PANK4: variants seen among roughly 807,000 people sequenced by gnomAD.
PANK4 encodes pantothenate kinase 4 (inactive).
In PANK4, 40 loss-of-function variants were observed where a neutral mutation model predicts 87.9. The observed-to-expected ratio is 0.46, with a 90% CI of 0.35 to 0.59. The LOEUF is 0.59. PANK4 is among the 20% of genes least tolerant of loss of function. The pLI, the probability that PANK4 is intolerant of heterozygous loss-of-function variation, is 0.00. For missense variants in PANK4, 926 were observed against 1,072.3 expected, an observed-to-expected ratio of 0.86 and a Z score of 1.90; for synonymous variants, 524 against 467.4, an observed-to-expected ratio of 1.12 and a Z score of -1.56.
chr1:2,519,800 C>G lies in PANK4; in HGVS notation c.853+1G>C. On this transcript the variant is annotated splice_donor_variant, in intron 6 of 18. Transcript: ENST00000378466. LOFTEE classifies it high-confidence loss of function. This position sits in a 1 kb window ranked among gnomAD's most constrained non-coding sequence, Gnocchi z 8.3. Reference sequence around the variant, plus strand: ...CTGGCGGCAGAGGCCGGGGTGAGCACCTTGGTCGGCGGTGGCCGACTTCCC... The same window carrying G: ...CTGGCGGCAGAGGCCGGGGTGAGCAGCTTGGTCGGCGGTGGCCGACTTCCC... 1 of 1,575,886 alleles carries G rather than the reference C, an allele frequency of 6.3e-7. No individual in the cohort carries two copies. The highest frequency in any genetic ancestry group is 1.8e-5 in the Admixed American group (1 of 55,004).
intron 1 of PANK4, among the ~76,000 whole-genome samples, chr1:2,523,700 G>A (rs909052350): frequency 2.6e-5 from 4 of 152,206 alleles, no homozygotes; most frequent in African/African-American, 9.7e-5. Flanking sequence ...CACCCGGGGG[G>A]ACAAAACGGG....
At chr1:2,511,512 AGC>A in intron 14 of PANK4, 114 bp downstream of exon 14, 1 of 1,081,386 alleles carries the variant, frequency 9.2e-7, no homozygotes, top group South Asian at 1.2e-5. Flanking sequence ...CAGCTGACAG[AGC>A]CTTGAGCAGG....
intron 1 of PANK4, among the ~76,000 whole-genome samples, chr1:2,522,609 C>A (rs1416721058): frequency 6.6e-6 from 1 of 151,724 alleles, no homozygotes; most frequent in African/African-American, 2.4e-5. Flanking sequence ...ATTGTTGAGG[C>A]TAGAGTTGTA....
rs143499455 is a variant in PANK4 at position 2,519,421 on chromosome 1, G to C, written c.854-97C>G. 1,226 of 345,696 alleles carry C rather than the reference G, an allele frequency of 3.5e-3. 11 individuals carry two copies. The highest frequency in any genetic ancestry group is 0.01 in the Middle Eastern group (13 of 1,240). The allele number at this position is 345,696 out of a possible 1,614,324, so 21.4% of individuals were successfully genotyped here. A position where few individuals can be genotyped will look rare whatever the true frequency, so the allele number is the denominator to read the frequency against. The stretch of plus-strand genomic sequence containing the variant: ...GAGGGGGAGAGAGAGCTGAGTGGGA[G>C]GGGAGGGGGAGAGAGAGCTGAGTGG... On this transcript the variant is annotated intron_variant, in intron 6 of 18. Coordinates refer to ENST00000378466, the MANE Select transcript of PANK4 (RefSeq NM_018216.4). The surrounding 1 kb of genome is among the most constrained non-coding windows in gnomAD (Gnocchi z 8.3).
In PANK4 at chr1:2,519,064, G is replaced by C; in HGVS notation, c.1035+79C>G. 4 of 1,341,456 alleles carry C rather than the reference G, an allele frequency of 3.0e-6. No individual in the cohort carries two copies. Among genetic ancestry groups the C allele is most frequent in the Non-Finnish European group, 4.2e-6 (4 of 958,092 alleles). 83.1% of individuals were successfully genotyped at this position (1,341,456 alleles called of 1,614,324 possible). A position where few individuals can be genotyped will look rare whatever the true frequency, so the allele number is the denominator to read the frequency against. ...CTCCAGGCCTCCCTGGGGGTGCTGC[G>C]GTGTCTAACCAGCATGACTGATTGG... On this transcript the variant is annotated intron_variant, in intron 7 of 18. Coordinates refer to ENST00000378466, the MANE Select transcript of PANK4 (RefSeq NM_018216.4). The surrounding 1 kb of genome is among the most constrained non-coding windows in gnomAD (Gnocchi z 8.3).
At position 2,510,856 on chromosome 1, in the gene PANK4, G is replaced by T; in HGVS notation, c.1834-74C>A. ...GAGTCAGTCCGCACCCCTGCTGCCC[G>T]TCACGCTGCCCTGCAGGGGCCGAGA... On this transcript the variant is annotated intron_variant, in intron 15 of 18. Transcript: ENST00000378466. This position sits in a 1 kb window ranked among gnomAD's most constrained non-coding sequence, Gnocchi z 4.9. 1.1e-6 allele frequency: 1 copy of T among 879,548 alleles called. No individual in the cohort carries two copies. Among genetic ancestry groups the T allele is most frequent in the Non-Finnish European group, 1.9e-6 (1 of 518,918 alleles). 54.5% of individuals were successfully genotyped at this position (879,548 alleles called of 1,614,324 possible).
rs761637291 is a variant in PANK4, at chr1:2,508,844, G to C, written c.*3C>G. ...AGCAGAAGAGTCCGGCAGCTGCAGC[G>C]CCTCACTCGGCTGGGACCTCGTACT... On this transcript the variant is annotated 3_prime_UTR_variant, in exon 19 of 19. Transcript: ENST00000378466. The surrounding 1 kb of genome is among the most constrained non-coding windows in gnomAD (Gnocchi z 5.1). 1 of 1,547,244 alleles carries C rather than the reference G, an allele frequency of 6.5e-7. No individual in the cohort carries two copies. Among genetic ancestry groups the C allele is most frequent in the Non-Finnish European group, 8.9e-7 (1 of 1,127,426 alleles).
intron 1 of PANK4, among the ~76,000 whole-genome samples, chr1:2,524,689 G>A (rs1407358201): frequency 3.9e-5 from 6 of 152,168 alleles, no homozygotes; most frequent in Non-Finnish European, 8.8e-5. Context: ...GAACATCCAC[G>A]GTGAGCCCTG....
Position 2,519,488 on chromosome 1 carries a change from C to A in PANK4, c.854-164G>T, listed in dbSNP as rs1449691738. On this transcript the variant is annotated intron_variant, in intron 6 of 18. Coordinates refer to ENST00000378466, the MANE Select transcript of PANK4 (RefSeq NM_018216.4). The surrounding 1 kb of genome is among the most constrained non-coding windows in gnomAD (Gnocchi z 8.3). ...AGAGCTGAGTGGGGGAACTGGAGCC[C>A]AAGTGCGGGAGGCTGCGTGTGATGT... Among the ~76,000 whole-genome samples the A allele has an allele frequency of 6.6e-6, 1 of 150,836 alleles. No individual in the cohort carries two copies. Among genetic ancestry groups the A allele is most frequent in the Non-Finnish European group, 1.5e-5 (1 of 67,786 alleles).
chr1:2,520,589 G>C lies in PANK4; in HGVS notation c.606+134C>G. The C allele has an allele frequency of 1.9e-6, 2 of 1,055,216 alleles. No individual in the cohort carries two copies. Among genetic ancestry groups the C allele is most frequent in the Non-Finnish European group, 2.8e-6 (2 of 705,418 alleles). The allele number at this position is 1,055,216 out of a possible 1,614,324, so 65.4% of individuals were successfully genotyped here. A position where few individuals can be genotyped will look rare whatever the true frequency, so the allele number is the denominator to read the frequency against. On this transcript the variant is annotated intron_variant, in intron 4 of 18. Coordinates refer to ENST00000378466, the MANE Select transcript of PANK4 (RefSeq NM_018216.4). This position sits in a 1 kb window ranked among gnomAD's most constrained non-coding sequence, Gnocchi z 6.2. Reference sequence around the variant, plus strand: ...GATGCCCCTCCCACAGAGGCTCTGAGCTCACAGCCTCGCCACCCCCCTCCC... The same window carrying C: ...GATGCCCCTCCCACAGAGGCTCTGACCTCACAGCCTCGCCACCCCCCTCCC...
chr1:2,526,373 C>T, intron 1 of PANK4, 91 bp downstream of exon 1: 2 of 789,594 alleles, frequency 2.5e-6, no homozygotes, highest in Non-Finnish European at 3.1e-6. Context: ...CGCCCCCGCC[C>T]TTCGTCCTTC....
chr1:2,509,810 C>G lies in PANK4; in HGVS notation c.2108+52G>C. 6.6e-7 allele frequency: 1 copy of G among 1,521,516 alleles called. No homozygotes were observed. The highest frequency in any genetic ancestry group is 9.1e-7 in the Non-Finnish European group (1 of 1,101,976). 94.3% of individuals were successfully genotyped at this position (1,521,516 alleles called of 1,614,324 possible). A position where few individuals can be genotyped will look rare whatever the true frequency, so the allele number is the denominator to read the frequency against. ...TGCACCTGGGTGCAGGTGCACGGCA[C>G]AGAGGGCACAGAGCCCAGGAGGGAG... On this transcript the variant is annotated intron_variant, in intron 18 of 18. Coordinates refer to ENST00000378466, the MANE Select transcript of PANK4 (RefSeq NM_018216.4). This position sits in a 1 kb window ranked among gnomAD's most constrained non-coding sequence, Gnocchi z 4.9.
chr1:2,514,640 CTGT>C (rs1643731339), intron 10 of PANK4, among the ~76,000 whole-genome samples, 174 bp from the exon 11 acceptor site: 1 of 73,514 alleles, frequency 1.4e-5, no homozygotes, highest in African/African-American at 1.2e-4. Context: ...CTGTCGGGGG[CTGT>C]TTGGGGCAGG....
chr1:2,521,066 C>A (rs895929894), intron 3 of PANK4, 35 bp downstream of exon 3: 1 of 1,580,476 alleles, frequency 6.3e-7, no homozygotes, highest in Non-Finnish European at 8.7e-7. Flanking sequence ...GGGGCAGACA[C>A]ATGTTCCTTT....
At chr1:2,514,241 C>T (rs1643716920) in intron 11 of PANK4, 113 bp downstream of exon 11, 1 of 1,118,582 alleles carries the variant, frequency 8.9e-7, no homozygotes, top group Non-Finnish European at 1.3e-6. Context: ...CCAGGGCCCA[C>T]ACCCACCCCC....
Position 2,509,993 on chromosome 1 carries a change from C to T in PANK4, c.2040-63G>A, listed in dbSNP as rs1395403035. The T allele has an allele frequency of 1.3e-6, 2 of 1,576,704 alleles. No individual in the cohort carries two copies. The highest frequency in any genetic ancestry group is 2.7e-5 in the African/African-American group (2 of 74,104). On this transcript the variant is annotated intron_variant, in intron 17 of 18. Coordinates refer to ENST00000378466, the MANE Select transcript of PANK4 (RefSeq NM_018216.4). This position sits in a 1 kb window ranked among gnomAD's most constrained non-coding sequence, Gnocchi z 4.9. ...CCAGTTCAGTGACAATCCCCATGGC[C>T]CACTCTGCCCAGCTGGTGCCCCTCC...
At chr1:2,524,612 A>G (rs1010667106) in intron 1 of PANK4, among the ~76,000 whole-genome samples, 4 of 152,144 alleles carry the variant, frequency 2.6e-5, no homozygotes, top group African/African-American at 9.7e-5. Context: ...AGGGCCCTCT[A>G]GGGCTGCGAC....
rs769192486 is a variant in PANK4, at chr1:2,520,861, G to A, written c.468C>T (p.Asn156=). Residue 156 remains asparagine, a synonymous_variant, in exon 4 of 19, where the codon AAC becomes AAT. Transcript: ENST00000378466. The surrounding 1 kb of genome is among the most constrained non-coding windows in gnomAD (Gnocchi z 6.2). Reference sequence around the variant, plus strand: ...CATGGGGGATGTTCTTGAGCACGAAGTTGCACCCCTTAATCAGGCACGTCA... The same window carrying A: ...CATGGGGGATGTTCTTGAGCACGAAATTGCACCCCTTAATCAGGCACGTCA... ...DVMTCLIKGC[N]FVLKNIPHEA... is the part of the protein sequence containing the mutation. 1 of 1,580,874 alleles carries A rather than the reference G, an allele frequency of 6.3e-7. No individual in the cohort carries two copies. Among genetic ancestry groups the A allele is most frequent in the South Asian group, 1.2e-5 (1 of 85,938 alleles).
At position 2,510,103 on chromosome 1, in the gene PANK4, A is replaced by T; in HGVS notation, c.1993T>A (p.Ser665Thr). Residue 665 changes from serine (S) to threonine (T), a missense_variant, in exon 17 of 19, where the codon TCC becomes ACC. Coordinates refer to ENST00000378466, the MANE Select transcript of PANK4 (RefSeq NM_018216.4). The surrounding 1 kb of genome is among the most constrained non-coding windows in gnomAD (Gnocchi z 4.9). ...PALNDVTHSESLIVAERIAGM... is the reference protein window; with the variant it reads ...PALNDVTHSETLIVAERIAGM... Reference sequence around the variant, plus strand: ...GCAATACGCTCTGCCACGATGAGGGACTCGCTGTGGGTCACGTCGTTCAGG... The same window carrying T: ...GCAATACGCTCTGCCACGATGAGGGTCTCGCTGTGGGTCACGTCGTTCAGG... The T allele has an allele frequency of 6.2e-7, 1 of 1,611,340 alleles. No individual in the cohort carries two copies. Among genetic ancestry groups the T allele is most frequent in the South Asian group, 1.1e-5 (1 of 90,640 alleles).
Sources: allele counts gnomAD v4.1 joint callset (sites outside exome capture counted in the v4.1 genomes callset), GRCh38; gene constraint gnomAD v4.1.1; non-coding constraint Gnocchi (gnomAD v3.1); transcripts MANE v1.5; gene names NCBI Gene and HGNC (gene_info 2026-07-23, HGNC 2026-07-21).